The following DAOA variants were observed in gnomAD, a reference collection of about 807,000 sequenced individuals.
DAOA encodes the protein D-amino acid oxidase activator, also known as D-amino acid oxidase regulator.
A neutral mutation model predicts 16.4 loss-of-function variants in DAOA; 15 were observed. The observed-to-expected ratio is 0.91, with a 90% CI of 0.61 to 1.41. The LOEUF is 1.41. DAOA is among the 40% of genes most tolerant of loss of function. DAOA has a pLI of 0.00. For synonymous variants in DAOA, 75 were observed against 59.1 expected, an observed-to-expected ratio of 1.27 and a Z score of -1.23; for missense variants, 230 against 176.8, an observed-to-expected ratio of 1.30 and a Z score of -1.71.
chr13:105,479,140 A>G (rs1249312977), intron 4 of DAOA, among the ~76,000 whole-genome samples: 1 of 152,078 alleles, frequency 6.6e-6, no homozygotes, highest in African/African-American at 2.4e-5. Context: ...CACAGCCCCC[A>G]TCTTTCCATT....
At chr13:105,468,191 C>T (rs750434035) in intron 3 of DAOA, among the ~76,000 whole-genome samples, 33 of 152,154 alleles carry the variant, frequency 2.2e-4, no homozygotes, top group Non-Finnish European at 4.4e-4. Context: ...CCAGGATAAC[C>T]GAGGTCACTC....
chr13:105,471,155 C>G (rs1594105707), intron 3 of DAOA, among the ~76,000 whole-genome samples: 1 of 152,022 alleles, frequency 6.6e-6, no homozygotes, highest in South Asian at 2.1e-4. Flanking sequence ...CAACTCCTGA[C>G]CTCAGGTGAT....
intron 4 of DAOA, among the ~76,000 whole-genome samples, chr13:105,484,821 T>G (rs7981643): frequency 0.99 from 150,666 of 152,228 alleles, 74,576 homozygotes; most frequent in East Asian, 1. Context: ...TACTATGAAT[T>G]CAAATTTCAA....
At chr13:105,468,297 G>A (rs1198939726) in intron 3 of DAOA, among the ~76,000 whole-genome samples, 1 of 152,124 alleles carries the variant, frequency 6.6e-6, no homozygotes, top group African/African-American at 2.4e-5. Flanking sequence ...GACATTTTTG[G>A]GGGGTGGAGC....
At chr13:105,484,647 T>C (rs1877985048) in intron 4 of DAOA, among the ~76,000 whole-genome samples, 1 of 152,172 alleles carries the variant, frequency 6.6e-6, no homozygotes, top group Non-Finnish European at 1.5e-5. Flanking sequence ...TTTAATGTTA[T>C]ATATTAAATT....
chr13:105,484,068 A>C (rs1877943254), intron 4 of DAOA, among the ~76,000 whole-genome samples: 1 of 152,164 alleles, frequency 6.6e-6, no homozygotes, highest in Non-Finnish European at 1.5e-5. Flanking sequence ...TATGGATCAA[A>C]GATTAACCGT....
At chr13:105,470,245 T>A (rs896181653) in intron 3 of DAOA, among the ~76,000 whole-genome samples, 1 of 152,122 alleles carries the variant, frequency 6.6e-6, no homozygotes. Context: ...ATAGCAGCTA[T>A]CTTTGTTATG....
chr13:105,479,524 G>A (rs193081604), intron 4 of DAOA, among the ~76,000 whole-genome samples: 6 of 152,242 alleles, frequency 3.9e-5, no homozygotes, highest in Admixed American at 3.3e-4. Context: ...GCTTCTCTCC[G>A]ACTTCCTGAT....
intron 4 of DAOA, among the ~76,000 whole-genome samples, chr13:105,483,188 T>C (rs1217690063): frequency 6.6e-6 from 1 of 152,206 alleles, no homozygotes; most frequent in Non-Finnish European, 1.5e-5. Flanking sequence ...TATAATTATT[T>C]TTAGTCTCAT....
chr13:105,481,747 C>T (rs550939343), intron 4 of DAOA, among the ~76,000 whole-genome samples: 44 of 152,286 alleles, frequency 2.9e-4, no homozygotes, highest in Non-Finnish European at 4.9e-4. Flanking sequence ...GTATCCTTCT[C>T]ATCAGTATTT....
intron 4 of DAOA, among the ~76,000 whole-genome samples, chr13:105,485,150 A>G (rs1055138925): frequency 3.3e-5 from 5 of 152,180 alleles, no homozygotes; most frequent in Admixed American, 6.5e-5. Context: ...AAAGTTATCT[A>G]CTTGCATAGC....
Position 105,467,156 on chromosome 13 carries a change from A to G in DAOA, c.133+15A>G, listed in dbSNP as rs1420249905. On this transcript the variant is annotated intron_variant, in intron 3 of 5. Transcript: ENST00000375936. Reference sequence around the variant, plus strand: ...AAACTCTATTGGTATGTTACTCTTTATCTTTATATGAATTTAAATTCTTCT... The same window carrying G: ...AAACTCTATTGGTATGTTACTCTTTGTCTTTATATGAATTTAAATTCTTCT... The G allele has an allele frequency of 6.3e-7, 1 of 1,583,756 alleles. No homozygotes were observed. Among genetic ancestry groups the G allele is most frequent in the Non-Finnish European group, 8.6e-7 (1 of 1,164,464 alleles).
At chr13:105,466,361 G>A (rs1288628618) in intron 2 of DAOA, 29 bp downstream of exon 2, 1 of 1,613,834 alleles carries the variant, frequency 6.2e-7, no homozygotes, top group South Asian at 1.1e-5. Context: ...TTTACAGCAT[G>A]GCGGCCTCAG....
Position 105,480,571 on chromosome 13 carries a change from G to GATAA in DAOA, c.281+7886_281+7887insATAA, listed in dbSNP as rs1555306725. ...AGATAGATAGATAGATAGATAGATA[G>GATAA]CATTTGTTAGGAGAATTGGCTCGTG... On this transcript the variant is annotated intron_variant, in intron 4 of 5. Coordinates refer to ENST00000375936, the MANE Select transcript of DAOA (RefSeq NM_172370.5). 3.1e-4 allele frequency among the ~76,000 whole-genome samples: 46 copies of GATAA among 150,076 alleles called. 1 individual carries two copies. In the East Asian group the frequency reaches 8.2e-3, roughly 27 times the overall value.
At chr13:105,483,644 C>A (rs1877904931) in intron 4 of DAOA, among the ~76,000 whole-genome samples, 1 of 151,798 alleles carries the variant, frequency 6.6e-6, no homozygotes, top group Non-Finnish European at 1.5e-5. Flanking sequence ...ATTCTCTACC[C>A]ATTTTTTTTC....
chr13:105,474,101 C>T (rs566497793), intron 4 of DAOA, among the ~76,000 whole-genome samples: 29 of 152,000 alleles, frequency 1.9e-4, no homozygotes, highest in African/African-American at 6.7e-4. Context: ...CTATGACATC[C>T]TATTTACTAG....
At chr13:105,488,043 C>T (rs187473717) in intron 4 of DAOA, among the ~76,000 whole-genome samples, 28 of 152,164 alleles carry the variant, frequency 1.8e-4, no homozygotes, top group Admixed American at 4.6e-4. Flanking sequence ...TGTGAATAAG[C>T]TTAAAAGCAC....
At chr13:105,478,477 T>C (rs1190055661) in intron 4 of DAOA, among the ~76,000 whole-genome samples, 1 of 152,188 alleles carries the variant, frequency 6.6e-6, no homozygotes, top group East Asian at 1.9e-4. Context: ...GGGGCTTATA[T>C]AAAATTCCAA....
At chr13:105,480,961 G>A (rs1487028530) in intron 4 of DAOA, among the ~76,000 whole-genome samples, 1 of 152,102 alleles carries the variant, frequency 6.6e-6, no homozygotes, top group Non-Finnish European at 1.5e-5. Flanking sequence ...CATCCTCGCA[G>A]AAACACCAAA....
Sources: gnomAD v4.1 joint callset for allele counts (sites outside exome capture counted in the v4.1 genomes callset) on GRCh38, gnomAD v4.1.1 for gene constraint, MANE v1.5 for transcripts, NCBI Gene and HGNC (gene_info 2026-07-23, HGNC 2026-07-21) for gene names.